Variants in TRIM69 observed in about 807,000 individuals in gnomAD.
The protein encoded by TRIM69 is tripartite motif containing 69, also known as E3 ubiquitin-protein ligase TRIM69.
In TRIM69, 29 loss-of-function variants were observed where a neutral mutation model predicts 37.7. The ratio of observed to expected loss-of-function variants is 0.77; its 90% CI spans 0.57 to 1.05. The LOEUF (loss-of-function observed/expected upper bound fraction) is 1.05, where lower values mean the gene tolerates loss of function less well. Among genes scored for constraint, TRIM69 ranks in the 50% least tolerant of loss-of-function variants. TRIM69 has a pLI of 0.00. For missense variants in TRIM69, 596 were observed against 579.9 expected (o/e 1.03, Z -0.28); for synonymous variants, 209 against 212.4 (o/e 0.98, Z 0.14).
intron 1 of TRIM69, among the ~76,000 whole-genome samples, chr15:44,739,237 C>T (rs114907632): frequency 0.015 from 2,345 of 152,260 alleles, 57 homozygotes; most frequent in African/African-American, 0.052. Context: ...TAAAAACACA[C>T]GGAGGGGGCA....
Position 44,767,407 on chromosome 15 carries a change from TG to T in TRIM69, c.1141del (p.Glu381LysfsTer2), listed in dbSNP as rs1463336601. ...SRGFTSGKWY[W>X]EVEVAKKTKW... ...AGGCTTCACCTCTGGAAAGTGGTAC[TG>T]GGAAGTAGAAGTAGCAAAGAAGACA... On this transcript the variant is annotated frameshift_variant, in exon 7 of 7. Transcript: ENST00000329464. LOFTEE classifies it high-confidence loss of function. 1 of 1,614,028 alleles carries T rather than the reference TG, an allele frequency of 6.2e-7. No homozygotes were observed. The highest frequency in any genetic ancestry group is 8.5e-7 in the Non-Finnish European group (1 of 1,180,036).
intron 1 of TRIM69, chr15:44,754,489 G>T (rs180817405): frequency 1.9e-5 from 3 of 160,942 alleles, no homozygotes; most frequent in Non-Finnish European, 4.1e-5. Flanking sequence ...GATGGTTGAC[G>T]ATATCACACT....
chr15:44,763,613 T>C (rs896769585), intron 6 of TRIM69, among the ~76,000 whole-genome samples: 2 of 152,212 alleles, frequency 1.3e-5, no homozygotes, highest in Non-Finnish European at 2.9e-5. Context: ...CCCTGGAGAT[T>C]TGTCTCTTCT....
intron 1 of TRIM69, chr15:44,753,710 C>G (rs1042271767): frequency 1.3e-5 from 2 of 151,942 alleles, no homozygotes; most frequent in Non-Finnish European, 2.9e-5. Flanking sequence ...TCAGCCATTA[C>G]TTTTTCAAAA....
intron 1 of TRIM69, among the ~76,000 whole-genome samples, chr15:44,738,341 T>A (rs570556447): frequency 6.6e-6 from 1 of 152,000 alleles, no homozygotes; most frequent in African/African-American, 2.4e-5. Context: ...AAAGTGAGGC[T>A]AAGATTACAG....
At chr15:44,751,228 G>A (rs191001687) in intron 1 of TRIM69, among the ~76,000 whole-genome samples, 4 of 151,568 alleles carry the variant, frequency 2.6e-5, no homozygotes, top group Admixed American at 2.6e-4. Flanking sequence ...CAATTCTCCT[G>A]CCTCAGCCTC....
chr15:44,755,020 CTG>C lies in TRIM69; in HGVS notation c.130_131del (p.Cys44GlnfsTer2), dbSNP rs752927998. ...TATTACTATGGAGCTACACTGCCCT[CTG>C]TGCAATGATTGGTTCCGAGACCCAC... ...QDITMELHCP[L>X]CNDWFRDPLM... On this transcript the variant is annotated frameshift_variant, in exon 2 of 7. Transcript: ENST00000329464. LOFTEE classifies it high-confidence loss of function. 1 of 1,614,094 alleles carries C rather than the reference CTG, an allele frequency of 6.2e-7. No individual in the cohort carries two copies. Among genetic ancestry groups the C allele is most frequent in the East Asian group, 2.2e-5 (1 of 44,884 alleles).
Position 44,755,053 on chromosome 15 carries a change from C to T in TRIM69, c.160C>T (p.Leu54=). ...CNDWFRDPLM[L]SCGHNFCEAC... ...TGATTGGTTCCGAGACCCACTGATGCTAAGCTGTGGCCACAACTTCTGTGA... is the reference window on the plus strand; with the variant it reads ...TGATTGGTTCCGAGACCCACTGATGTTAAGCTGTGGCCACAACTTCTGTGA... Residue 54 remains leucine, a synonymous_variant, in exon 2 of 7, where the codon CTA becomes TTA. Coordinates refer to ENST00000329464, the MANE Select transcript of TRIM69 (RefSeq NM_182985.5). 1 of 1,614,190 alleles carries T rather than the reference C, an allele frequency of 6.2e-7. No homozygotes were observed. The highest frequency in any genetic ancestry group is 8.5e-7 in the Non-Finnish European group (1 of 1,180,028).
At chr15:44,758,556 G>T (rs1387787537) in intron 3 of TRIM69, 65 bp from the exon 4 acceptor site, 4 of 1,590,562 alleles carry the variant, frequency 2.5e-6, no homozygotes, top group Non-Finnish European at 2.6e-6. Flanking sequence ...TGTTGGTGGT[G>T]TGGGCCCCCA....
At chr15:44,743,841 C>G (rs967749375) in intron 1 of TRIM69, among the ~76,000 whole-genome samples, 1 of 152,186 alleles carries the variant, frequency 6.6e-6, no homozygotes, top group African/African-American at 2.4e-5. Flanking sequence ...AATAGGAACA[C>G]TTTTACACTG....
chr15:44,746,502 A>G (rs549677458), intron 1 of TRIM69, among the ~76,000 whole-genome samples: 1 of 152,372 alleles, frequency 6.6e-6, no homozygotes, highest in Non-Finnish European at 1.5e-5. Context: ...AGCATAAACC[A>G]ATAATTGTAT....
chr15:44,752,466 T>G (rs900001159), intron 1 of TRIM69, among the ~76,000 whole-genome samples: 1 of 152,318 alleles, frequency 6.6e-6, no homozygotes, highest in Non-Finnish European at 1.5e-5. Flanking sequence ...GGGTAACTAT[T>G]TGTATGGATT....
chr15:44,765,173 G>A (rs987621753), intron 6 of TRIM69, among the ~76,000 whole-genome samples: 1 of 152,156 alleles, frequency 6.6e-6, no homozygotes, highest in Admixed American at 6.5e-5. Flanking sequence ...TTTGAAGGTG[G>A]AGCTGACAGA....
At position 44,767,762 on chromosome 15, in the gene TRIM69, A is replaced by C; in HGVS notation, c.1493A>C (p.His498Pro). 1 of 1,610,660 alleles carries C rather than the reference A, an allele frequency of 6.2e-7. No homozygotes were observed. The highest frequency in any genetic ancestry group is 8.5e-7 in the Non-Finnish European group (1 of 1,179,242). Residue 498 changes from histidine to proline, a missense_variant, in exon 7 of 7, where the codon CAT (histidine) becomes CCT (proline). Coordinates refer to ENST00000329464, the MANE Select transcript of TRIM69 (RefSeq NM_182985.5). ...GENKEPLHIL[H>P]PQ ...AATAAAGAACCATTGCACATCTTAC[A>C]TCCACAGTAATGAGTCATAATATTA... is the stretch of plus-strand genomic sequence containing the variant.
chr15:44,755,491 A>G, intron 2 of TRIM69, 115 bp downstream of exon 2: 1 of 782,482 alleles, frequency 1.3e-6, no homozygotes, highest in Non-Finnish European at 2.0e-6. Flanking sequence ...TAGAAAGCCC[A>G]GACTGCTCAG....
rs542902507 is a variant in TRIM69 at position 44,766,102 on chromosome 15, G to A, written c.962-1129G>A. On this transcript the variant is annotated intron_variant, in intron 6 of 6. Coordinates refer to ENST00000329464, the MANE Select transcript of TRIM69 (RefSeq NM_182985.5). ...GGGCCAATCAAAAAAATCTCAATCT[G>A]TCATGGACTGATACTTTTGTAGAAT... Among the ~76,000 whole-genome samples, 5 of 152,216 alleles carry A rather than the reference G, an allele frequency of 3.3e-5. No homozygotes were observed. The South Asian group carries it at 1.0e-3, about 32-fold the overall frequency.
chr15:44,764,949 T>G (rs1327739298), intron 6 of TRIM69, among the ~76,000 whole-genome samples: 1 of 152,156 alleles, frequency 6.6e-6, no homozygotes, highest in East Asian at 1.9e-4. Flanking sequence ...ATGTGGCTCT[T>G]TTTTCCTCTA....
chr15:44,737,174 T>C (rs1468560966), intron 1 of TRIM69, among the ~76,000 whole-genome samples: 1 of 152,216 alleles, frequency 6.6e-6, no homozygotes, highest in African/African-American at 2.4e-5. Context: ...AACTTAGTGT[T>C]TTCCTGATTG....
chr15:44,762,684 T>C (rs1469832717), intron 6 of TRIM69, among the ~76,000 whole-genome samples: 1 of 152,192 alleles, frequency 6.6e-6, no homozygotes, highest in Non-Finnish European at 1.5e-5. Flanking sequence ...ACATTTCATT[T>C]CTAGAAGTTT....
Sources: allele counts gnomAD v4.1 joint callset (sites outside exome capture counted in the v4.1 genomes callset), GRCh38; gene constraint gnomAD v4.1.1; transcripts MANE v1.5; gene names NCBI Gene and HGNC (gene_info 2026-07-23, HGNC 2026-07-21).